Variants in RAB3B observed in about 807,000 individuals in gnomAD.
RAB3B encodes the protein ras-related protein Rab-3B.
In RAB3B, 11 loss-of-function variants were observed where a neutral mutation model predicts 20.5. The observed-to-expected ratio is 0.54, with a 90% confidence interval of 0.34 to 0.89. RAB3B has a LOEUF of 0.89. Ranked by LOEUF, RAB3B falls within the 40% of genes least tolerant of loss-of-function variation. The pLI, the probability that RAB3B is intolerant of heterozygous loss-of-function variation, is 0.02. For missense variants in RAB3B, 225 were observed against 280.9 expected (o/e 0.80, Z 1.42); for synonymous variants, 99 against 106.3 (o/e 0.93, Z 0.42).
chr1:51,922,227 G>A (rs947743740), intron 4 of RAB3B, among the ~76,000 whole-genome samples: 2 of 152,198 alleles, frequency 1.3e-5, no homozygotes, highest in African/African-American at 2.4e-5. Flanking sequence ...GGCAGTGTTT[G>A]GGGAGGTGCG....
intron 2 of RAB3B, among the ~76,000 whole-genome samples, chr1:51,938,752 T>C (rs1684448583): frequency 6.6e-6 from 1 of 151,406 alleles, no homozygotes; most frequent in Non-Finnish European, 1.5e-5. Flanking sequence ...CTTGGCTCAC[T>C]GCAATCTCCA....
chr1:51,970,477 G>A (rs1279122609), intron 2 of RAB3B, among the ~76,000 whole-genome samples: 2 of 152,110 alleles, frequency 1.3e-5, no homozygotes, highest in Non-Finnish European at 2.9e-5. Flanking sequence ...AGGGACCTTT[G>A]TGGTGAGGGG....
intron 2 of RAB3B, among the ~76,000 whole-genome samples, chr1:51,974,960 T>A (rs1327153845): frequency 6.6e-6 from 1 of 152,230 alleles, no homozygotes; most frequent in Non-Finnish European, 1.5e-5. Context: ...ACGCCTGTAA[T>A]CCCAGCACTT....
Position 51,914,508 on chromosome 1 carries a change from G to A in RAB3B, c.*5419C>T, listed in dbSNP as rs1684053878. 6.6e-6 allele frequency: 1 copy of A among 152,142 alleles called. No individual in the cohort carries two copies. Among genetic ancestry groups the A allele is most frequent in the African/African-American group, 2.4e-5 (1 of 41,414 alleles). 9.4% of individuals were successfully genotyped at this position (152,142 alleles called of 1,614,324 possible). A position where few individuals can be genotyped will look rare whatever the true frequency, so the allele number is the denominator to read the frequency against. On this transcript the variant is annotated 3_prime_UTR_variant, in exon 5 of 5. Transcript: ENST00000371655. ...TATACGTTTCATGAAAGCAAGAACT[G>A]TGTCTAATTTGCCACTACTTGTATC... is the stretch of plus-strand genomic sequence containing the variant.
At chr1:51,956,671 C>A (rs1684710666) in intron 2 of RAB3B, among the ~76,000 whole-genome samples, 1 of 152,186 alleles carries the variant, frequency 6.6e-6, no homozygotes, top group Non-Finnish European at 1.5e-5. Flanking sequence ...CCCTTCCCTG[C>A]CAAGGCAGTC....
chr1:51,965,454 C>T (rs1009523039), intron 2 of RAB3B, among the ~76,000 whole-genome samples: 4 of 152,038 alleles, frequency 2.6e-5, no homozygotes, highest in African/African-American at 9.7e-5. Context: ...CGAGACCAGC[C>T]TGGCCAACAT....
At chr1:51,952,695 GAATA>G (rs1377222860) in intron 2 of RAB3B, among the ~76,000 whole-genome samples, 1 of 151,948 alleles carries the variant, frequency 6.6e-6, no homozygotes, top group Non-Finnish European at 1.5e-5. Context: ...ACAAAGGAAT[GAATA>G]AATGAAGAAA....
intron 4 of RAB3B, among the ~76,000 whole-genome samples, chr1:51,932,576 CAT>C (rs1684341511): frequency 6.6e-6 from 1 of 152,202 alleles, no homozygotes; most frequent in African/African-American, 2.4e-5. Flanking sequence ...ACTCAAACCA[CAT>C]AGTTTTGTTC....
intron 4 of RAB3B, 100 bp downstream of exon 4, chr1:51,933,218 A>C: frequency 7.7e-7 from 1 of 1,299,628 alleles, no homozygotes; most frequent in Admixed American, 2.1e-5. Flanking sequence ...CAATCACAAC[A>C]CTAATGTCAT....
intron 2 of RAB3B, among the ~76,000 whole-genome samples, chr1:51,960,549 AAGG>A (rs947811108): frequency 1.7e-4 from 26 of 152,160 alleles, no homozygotes; most frequent in African/African-American, 6.3e-4. Context: ...GGTGTGGGGG[AAGG>A]AGGATTCTGC....
Position 51,909,826 on chromosome 1 carries a change from C to T in RAB3B, c.*10101G>A, listed in dbSNP as rs1683972253. 1 of 152,232 alleles carries T rather than the reference C, an allele frequency of 6.6e-6. No individual in the cohort carries two copies. The highest frequency in any genetic ancestry group is 1.5e-5 in the Non-Finnish European group (1 of 68,106). The allele number at this position is 152,232 out of a possible 1,614,324, so 9.4% of individuals were successfully genotyped here. A position where few individuals can be genotyped will look rare whatever the true frequency, so the allele number is the denominator to read the frequency against. ...TCATGGTGTTTACACTGGCTTTCTCCAGTCTCTGGTTCTCAGTCCCCTTAC... is the reference window on the plus strand; with the variant it reads ...TCATGGTGTTTACACTGGCTTTCTCTAGTCTCTGGTTCTCAGTCCCCTTAC... On this transcript the variant is annotated 3_prime_UTR_variant, in exon 5 of 5. Transcript: ENST00000371655.
chr1:51,972,402 A>G (rs1684949361), intron 2 of RAB3B, among the ~76,000 whole-genome samples: 2 of 151,996 alleles, frequency 1.3e-5, no homozygotes, highest in Non-Finnish European at 2.9e-5. Context: ...TTATGGACTG[A>G]ATGTCTATGT....
Position 51,912,534 on chromosome 1 carries a change from G to A in RAB3B, c.*7393C>T, listed in dbSNP as rs565718166. ...CCAGCTTGGGCAACATAGCAAGACC[G>A]TCTCTATTAAAAAAAAAAAAATATA... On this transcript the variant is annotated 3_prime_UTR_variant, in exon 5 of 5. Transcript: ENST00000371655. 2.8e-5 allele frequency: 2 copies of A among 71,318 alleles called. No individual in the cohort carries two copies. The highest frequency in any genetic ancestry group is 3.5e-4 in the East Asian group (1 of 2,824). 4.4% of individuals were successfully genotyped at this position (71,318 alleles called of 1,614,324 possible). A position where few individuals can be genotyped will look rare whatever the true frequency, so the allele number is the denominator to read the frequency against.
chr1:51,928,145 T>C (rs1157959458), intron 4 of RAB3B, among the ~76,000 whole-genome samples: 1 of 152,154 alleles, frequency 6.6e-6, no homozygotes, highest in Non-Finnish European at 1.5e-5. Context: ...TTGCTCTTGT[T>C]GCCCAGGCTG....
intron 3 of RAB3B, among the ~76,000 whole-genome samples, chr1:51,934,991 G>A (rs1385447190): frequency 6.6e-6 from 1 of 152,064 alleles, no homozygotes; most frequent in East Asian, 1.9e-4. Flanking sequence ...TTGGTCTCCT[G>A]CACGTTCACC....
chr1:51,912,663 T>C lies in RAB3B; in HGVS notation c.*7264A>G, dbSNP rs916830716. On this transcript the variant is annotated 3_prime_UTR_variant, in exon 5 of 5. Coordinates refer to ENST00000371655, the MANE Select transcript of RAB3B (RefSeq NM_002867.4). ...TGGAGTAATTACGTAAGTAGGGAAA[T>C]GTTAGGAACTCTGTGGTAGCTCTCT... The C allele has an allele frequency of 2.8e-5, 4 of 144,642 alleles. No individual in the cohort carries two copies. The highest frequency in any genetic ancestry group is 6.0e-5 in the Non-Finnish European group (4 of 66,704). The allele number at this position is 144,642 out of a possible 1,614,324, so 9.0% of individuals were successfully genotyped here. A position where few individuals can be genotyped will look rare whatever the true frequency, so the allele number is the denominator to read the frequency against.
Position 51,912,542 on chromosome 1 carries a change from T to TAAAAAAAAAAAAAA in RAB3B, c.*7384_*7385insTTTTTTTTTTTTTT, listed in dbSNP as rs61590258. The TAAAAAAAAAAAAAA allele has an allele frequency of 4.7e-4, 3 of 6,388 alleles. 1 individual carries two copies. Among genetic ancestry groups the TAAAAAAAAAAAAAA allele is most frequent in the African/African-American group, 1.6e-3 (2 of 1,256 alleles). 0.4% of individuals were successfully genotyped at this position (6,388 alleles called of 1,614,324 possible). On this transcript the variant is annotated 3_prime_UTR_variant, in exon 5 of 5. Transcript: ENST00000371655. ...GGCAACATAGCAAGACCGTCTCTATTAAAAAAAAAAAAATATATATATATA... is the reference window on the plus strand; with the variant it reads ...GGCAACATAGCAAGACCGTCTCTATTAAAAAAAAAAAAAAAAAAAAAAAAAAATATATATATATA...
At chr1:51,964,218 G>A (rs1480568058) in intron 2 of RAB3B, among the ~76,000 whole-genome samples, 2 of 152,186 alleles carry the variant, frequency 1.3e-5, no homozygotes, top group Admixed American at 6.5e-5. Flanking sequence ...AAATACAGCA[G>A]TCAATCCTCA....
chr1:51,913,902 G>A lies in RAB3B; in HGVS notation c.*6025C>T, dbSNP rs1684043933. 1 of 152,200 alleles carries A rather than the reference G, an allele frequency of 6.6e-6. No individual in the cohort carries two copies. The highest frequency in any genetic ancestry group is 1.5e-5 in the Non-Finnish European group (1 of 68,058). 9.4% of individuals were successfully genotyped at this position (152,200 alleles called of 1,614,324 possible). A position where few individuals can be genotyped will look rare whatever the true frequency, so the allele number is the denominator to read the frequency against. The stretch of plus-strand genomic sequence containing the variant: ...GGATCTTGCCCTCTCTTGCTTCGAG[G>A]AAACTCCTGCTACCATATGGACAAA... On this transcript the variant is annotated 3_prime_UTR_variant, in exon 5 of 5. Transcript: ENST00000371655.
Sources: gnomAD v4.1 joint callset for allele counts (sites outside exome capture counted in the v4.1 genomes callset) on GRCh38, gnomAD v4.1.1 for gene constraint, MANE v1.5 for transcripts, NCBI Gene and HGNC (gene_info 2026-07-23, HGNC 2026-07-21) for gene names.